Variants in TENM3 observed in about 807,000 individuals in gnomAD.
TENM3 encodes teneurin transmembrane protein 3, also known as teneurin-3.
In TENM3, 63 loss-of-function variants were observed where a neutral mutation model predicts 255.1. That is an observed-to-expected ratio of 0.25 (90% CI 0.20 to 0.30). TENM3 has a LOEUF of 0.30. TENM3 is among the 10% of genes least tolerant of loss of function. The probability of loss-of-function intolerance (pLI) is 1.00; values close to 1 mark genes in which losing one functional copy is unlikely to be tolerated. For missense variants in TENM3, 2,929 were observed against 3,461.1 expected, an observed-to-expected ratio of 0.85 and a Z score of 3.86; for synonymous variants, 1,306 against 1,322.3, an observed-to-expected ratio of 0.99 and a Z score of 0.27.
chr4:182,737,112 T>G, intron 17 of TENM3, 37 bp downstream of exon 17: 1 of 1,588,498 alleles, frequency 6.3e-7, no homozygotes, highest in Non-Finnish European at 8.6e-7. Flanking sequence ...AGTGAAGTTT[T>G]TCTCAAAGCC....
chr4:182,550,036 T>C (rs1741843744), intron 3 of TENM3, among the ~76,000 whole-genome samples: 1 of 152,218 alleles, frequency 6.6e-6, no homozygotes, highest in African/African-American at 2.4e-5. Context: ...ATGAAAATAA[T>C]TGAAGGTCTA....
At chr4:181,791,605 A>G in the TENM3 span, among the ~76,000 whole-genome samples, 1 of 152,200 alleles carries the variant, frequency 6.6e-6, no homozygotes, top group Non-Finnish European at 1.5e-5. Context: ...TCTTTTCACC[A>G]GTCCAGCACA....
chr4:181,783,193 G>T, the TENM3 span, among the ~76,000 whole-genome samples: 2 of 152,130 alleles, frequency 1.3e-5, no homozygotes, highest in Non-Finnish European at 2.9e-5. Flanking sequence ...TTTCTGTCTC[G>T]TTGATCTGTC....
the TENM3 span, among the ~76,000 whole-genome samples, chr4:181,920,651 A>G: frequency 6.6e-6 from 1 of 151,752 alleles, no homozygotes; most frequent in African/African-American, 2.4e-5. Flanking sequence ...TCAGATGAGT[A>G]GGTTGCAAAA....
At chr4:181,637,985 G>A in the TENM3 span, among the ~76,000 whole-genome samples, 2 of 152,142 alleles carry the variant, frequency 1.3e-5, no homozygotes, top group Admixed American at 6.5e-5. Context: ...AAGGGGTTTG[G>A]ACCACACGCA....
chr4:181,882,857 A>C, the TENM3 span, among the ~76,000 whole-genome samples: 1 of 152,208 alleles, frequency 6.6e-6, no homozygotes, highest in Admixed American at 6.5e-5. Flanking sequence ...CATAGAAGTA[A>C]TGACTTATAA....
At chr4:182,145,585 C>T (rs1452135448) in intron 1 of TENM3, among the ~76,000 whole-genome samples, 1 of 152,094 alleles carries the variant, frequency 6.6e-6, no homozygotes, top group Non-Finnish European at 1.5e-5. Context: ...GGAGTGGTAA[C>T]TTGTTAATTT....
the TENM3 span, among the ~76,000 whole-genome samples, chr4:181,941,790 G>A: frequency 1.3e-5 from 2 of 152,232 alleles, no homozygotes; most frequent in Middle Eastern, 3.4e-3. Flanking sequence ...TAGAGGTTTG[G>A]TTTTACCTTT....
rs566998526 is a variant in TENM3, at chr4:182,403,981, C to T, written c.511+57052C>T. 5.3e-5 allele frequency among the ~76,000 whole-genome samples: 8 copies of T among 152,282 alleles called. No individual in the cohort carries two copies. The East Asian group carries it at 7.7e-4, about 15-fold the overall frequency. On this transcript the variant is annotated intron_variant, in intron 3 of 27. Transcript: ENST00000511685. Reference sequence around the variant, plus strand: ...AAGAAATCCTCCTGCCTTGGCTTCCCGAAGTGCTGAGATTACAGGCAAGAA... The same window carrying T: ...AAGAAATCCTCCTGCCTTGGCTTCCTGAAGTGCTGAGATTACAGGCAAGAA...
chr4:181,688,873 T>C, the TENM3 span, among the ~76,000 whole-genome samples: 2 of 152,172 alleles, frequency 1.3e-5, no homozygotes, highest in African/African-American at 2.4e-5. Flanking sequence ...ATCGTTTCTG[T>C]TTCCAATTCA....
intron 1 of TENM3, among the ~76,000 whole-genome samples, chr4:182,286,575 G>A (rs974970104): frequency 3.9e-5 from 6 of 152,170 alleles, no homozygotes; most frequent in African/African-American, 7.2e-5. Context: ...GTTGTGGGTG[G>A]TGACTGTTGG....
chr4:182,393,293 T>C (rs2150990505), intron 3 of TENM3, among the ~76,000 whole-genome samples: 1 of 152,262 alleles, frequency 6.6e-6, no homozygotes, highest in African/African-American at 2.4e-5. Flanking sequence ...AACTGATGGA[T>C]TAATAGTAGT....
intron 3 of TENM3, among the ~76,000 whole-genome samples, chr4:182,408,053 T>TA (rs1282272094): frequency 2.6e-5 from 4 of 152,192 alleles, no homozygotes; most frequent in African/African-American, 7.2e-5. Context: ...AGTCCTGACT[T>TA]ACTCTTACTA....
At chr4:181,609,673 C>A in the TENM3 span, among the ~76,000 whole-genome samples, 2 of 152,182 alleles carry the variant, frequency 1.3e-5, no homozygotes, top group South Asian at 2.1e-4. Context: ...TGAGAAAAAG[C>A]AAAATAGATT....
chr4:181,795,351 A>G, the TENM3 span, among the ~76,000 whole-genome samples: 2 of 152,136 alleles, frequency 1.3e-5, no homozygotes, highest in African/African-American at 4.8e-5. Flanking sequence ...TGACAGAGAC[A>G]GAGATCATCT....
chr4:181,539,947 G>A, the TENM3 span, among the ~76,000 whole-genome samples: 1 of 152,064 alleles, frequency 6.6e-6, no homozygotes, highest in Non-Finnish European at 1.5e-5. Flanking sequence ...GAAATACCAA[G>A]CCCTCAGGTC....
chr4:181,749,964 GT>G, the TENM3 span, among the ~76,000 whole-genome samples: 1 of 152,118 alleles, frequency 6.6e-6, no homozygotes, highest in African/African-American at 2.4e-5. Context: ...TCATCTCTGT[GT>G]CTTCAGTGAT....
At chr4:182,146,665 C>A (rs1749988083) in intron 1 of TENM3, among the ~76,000 whole-genome samples, 1 of 152,116 alleles carries the variant, frequency 6.6e-6, no homozygotes, top group Non-Finnish European at 1.5e-5. Flanking sequence ...ACACATTTTA[C>A]ATGCACTGCA....
intron 3 of TENM3, among the ~76,000 whole-genome samples, chr4:182,517,565 A>G (rs1738120759): frequency 6.9e-6 from 1 of 145,580 alleles, no homozygotes; most frequent in Admixed American, 6.9e-5. Flanking sequence ...TTGTATTTTT[A>G]GTAGAGACGG....
Sources: gnomAD v4.1 joint callset for allele counts (sites outside exome capture counted in the v4.1 genomes callset) on GRCh38, gnomAD v4.1.1 for gene constraint, MANE v1.5 for transcripts, NCBI Gene and HGNC (gene_info 2026-07-23, HGNC 2026-07-21) for gene names.